Variants in ITFG1 observed in about 807,000 individuals in gnomAD.
ITFG1 encodes integrin alpha FG-GAP repeat containing 1.
ITFG1 carries 34 observed loss-of-function variants against 81.8 expected under a neutral mutation model. The ratio of observed to expected loss-of-function variants is 0.42; its 90% CI spans 0.32 to 0.55. ITFG1 has a LOEUF of 0.55. Among genes scored for constraint, ITFG1 ranks in the 20% least tolerant of loss-of-function variants. The pLI is 0.17. For missense variants in ITFG1, 672 were observed against 755.4 expected (o/e 0.89, Z 1.29); for synonymous variants, 285 against 270.6 (o/e 1.05, Z -0.52).
intron 6 of ITFG1, among the ~76,000 whole-genome samples, chr16:47,424,263 T>C (rs1478458572): frequency 2.0e-5 from 3 of 152,240 alleles, no homozygotes; most frequent in East Asian, 1.9e-4. Context: ...TCTCATGCCA[T>C]GGTTTTGCAG....
At chr16:47,400,020 T>C (rs777236352) in intron 6 of ITFG1, among the ~76,000 whole-genome samples, 7 of 152,214 alleles carry the variant, frequency 4.6e-5, no homozygotes, top group Non-Finnish European at 7.3e-5. Flanking sequence ...GCATGTGTTC[T>C]CTCATTTGAT....
chr16:47,185,302 C>T (rs886983015), intron 14 of ITFG1, among the ~76,000 whole-genome samples: 3 of 152,194 alleles, frequency 2.0e-5, no homozygotes, highest in Non-Finnish European at 4.4e-5. Context: ...CAGAACTCTC[C>T]ACCCCAAATC....
chr16:47,269,724 T>C (rs174642), intron 10 of ITFG1, among the ~76,000 whole-genome samples: 7 of 152,132 alleles, frequency 4.6e-5, no homozygotes, highest in Non-Finnish European at 1.0e-4. Context: ...ATAGTTTCAT[T>C]GTAATCCCAA....
intron 10 of ITFG1, among the ~76,000 whole-genome samples, chr16:47,292,546 CA>C (rs1966921470): frequency 6.6e-6 from 1 of 152,124 alleles, no homozygotes. Flanking sequence ...CTCAAGGCTA[CA>C]AGTGCAGTTT....
intron 17 of ITFG1, among the ~76,000 whole-genome samples, chr16:47,158,015 A>C (rs1596771086): frequency 6.6e-6 from 1 of 152,286 alleles, no homozygotes; most frequent in East Asian, 1.9e-4. Context: ...TTTGTTTTCA[A>C]TTATTATTTA....
chr16:47,232,001 AC>A (rs777939471), intron 13 of ITFG1, among the ~76,000 whole-genome samples: 5 of 152,232 alleles, frequency 3.3e-5, no homozygotes, highest in Non-Finnish European at 7.3e-5. Context: ...AAGATGCAAC[AC>A]TACTGGCTTT....
intron 16 of ITFG1, 148 bp downstream of exon 16, chr16:47,161,602 T>G (rs1316927604): frequency 6.0e-6 from 3 of 500,738 alleles, no homozygotes; most frequent in African/African-American, 1.9e-5. Context: ...TAAGTATGTT[T>G]AGTCATTTAA....
chr16:47,422,843 A>G (rs1289850920), intron 6 of ITFG1, among the ~76,000 whole-genome samples: 1 of 151,950 alleles, frequency 6.6e-6, no homozygotes, highest in Non-Finnish European at 1.5e-5. Context: ...TTTACTTCCA[A>G]TTATGTGGTC....
chr16:47,449,322 A>G (rs1473257733), intron 5 of ITFG1: 2 of 152,250 alleles, frequency 1.3e-5, no homozygotes, highest in Non-Finnish European at 2.9e-5. Flanking sequence ...TCACGTGAAT[A>G]ACCCAAAATG....
rs147722641 is a variant in ITFG1 at position 47,232,823 on chromosome 16, T to G, written c.1374+5142A>C. Among the ~76,000 whole-genome samples the G allele has an allele frequency of 6.8e-3, 1,034 of 152,012 alleles. 13 individuals carry two copies. Among genetic ancestry groups the G allele is most frequent in the African/African-American group, 0.023 (965 of 41,444 alleles). On this transcript the variant is annotated intron_variant, in intron 13 of 17. Coordinates refer to ENST00000320640, the MANE Select transcript of ITFG1 (RefSeq NM_030790.5). The stretch of plus-strand genomic sequence containing the variant: ...ACCCAGGTAATTTTTGTATTTTTTG[T>G]AGAGATGGGGTTTCAGCACGTTGCC...
intron 6 of ITFG1, among the ~76,000 whole-genome samples, chr16:47,406,808 A>T (rs1283337907): frequency 1.3e-5 from 2 of 152,242 alleles, no homozygotes; most frequent in Non-Finnish European, 2.9e-5. Context: ...ACTGAGAAGG[A>T]ACATAACATT....
At position 47,351,012 on chromosome 16, in the gene ITFG1, G is replaced by C. The variant is rs567599892; in HGVS notation, c.802+14776C>G. Among the ~76,000 whole-genome samples the C allele has an allele frequency of 9.2e-5, 14 of 152,118 alleles. No individual in the cohort carries two copies. In the East Asian group the frequency reaches 9.7e-4, roughly 11 times the overall value. On this transcript the variant is annotated intron_variant, in intron 8 of 17. Coordinates refer to ENST00000320640, the MANE Select transcript of ITFG1 (RefSeq NM_030790.5). ...AAGGCCTTTGACAAAATTCAACAGC[G>C]CTTCATGCTAAAAACTCTCAATAAA...
chr16:47,288,487 T>G (rs1966878792), intron 10 of ITFG1, among the ~76,000 whole-genome samples: 1 of 152,206 alleles, frequency 6.6e-6, no homozygotes, highest in Non-Finnish European at 1.5e-5. Flanking sequence ...GTATGATAGT[T>G]CTATTTTTTA....
chr16:47,435,983 T>A (rs1484277245), intron 5 of ITFG1, among the ~76,000 whole-genome samples: 1 of 150,404 alleles, frequency 6.6e-6, no homozygotes. Context: ...TTGTCATCCA[T>A]CCCCCATCAT....
At chr16:47,228,252 T>A (rs182636262) in intron 13 of ITFG1, among the ~76,000 whole-genome samples, 1 of 152,218 alleles carries the variant, frequency 6.6e-6, no homozygotes, top group African/African-American at 2.4e-5. Context: ...AAATCAGTTA[T>A]AATCAATAAA....
chr16:47,435,537 G>T (rs1290809325), intron 5 of ITFG1, among the ~76,000 whole-genome samples: 1 of 152,218 alleles, frequency 6.6e-6, no homozygotes, highest in East Asian at 1.9e-4. Flanking sequence ...ATTTGTCAAA[G>T]AATGAATTTA....
intron 13 of ITFG1, among the ~76,000 whole-genome samples, chr16:47,225,503 T>C (rs1378611548): frequency 1.3e-5 from 2 of 152,138 alleles, no homozygotes; most frequent in African/African-American, 4.8e-5. Context: ...TATCATATCA[T>C]AGTTAACATT....
chr16:47,198,480 A>T (rs1036724709), intron 14 of ITFG1, among the ~76,000 whole-genome samples: 6 of 152,240 alleles, frequency 3.9e-5, no homozygotes, highest in African/African-American at 1.4e-4. Flanking sequence ...TGTACAGTAC[A>T]TAATAGTTGA....
At chr16:47,265,895 T>A (rs1468520622) in intron 10 of ITFG1, among the ~76,000 whole-genome samples, 1 of 152,046 alleles carries the variant, frequency 6.6e-6, no homozygotes, top group Non-Finnish European at 1.5e-5. Context: ...AAAGCAGTGA[T>A]AAAAGATAGA....
Sources: allele counts gnomAD v4.1 joint callset (sites outside exome capture counted in the v4.1 genomes callset), GRCh38; gene constraint gnomAD v4.1.1; transcripts MANE v1.5; gene names NCBI Gene and HGNC (gene_info 2026-07-23, HGNC 2026-07-21).